The following ZNF676 variants were observed in gnomAD, a reference collection of about 807,000 sequenced individuals.
The protein encoded by ZNF676 is zinc finger protein 676.
Under a neutral mutation model 6.0 loss-of-function variants are expected in ZNF676, and 4 were observed. The ratio of observed to expected loss-of-function variants is 0.67; its 90% CI spans 0.33 to 1.53. The LOEUF (loss-of-function observed/expected upper bound fraction) is 1.53. ZNF676 is among the 40% of genes most tolerant of loss of function. The pLI, the probability that ZNF676 is intolerant of heterozygous loss-of-function variation, is 0.06. For synonymous variants in ZNF676, 198 were observed against 223.1 expected, an observed-to-expected ratio of 0.89 and a Z score of 1.00; for missense variants, 644 against 679.7, an observed-to-expected ratio of 0.95 and a Z score of 0.58.
intron 1 of ZNF676, among the ~76,000 whole-genome samples, chr19:22,213,628 T>A (rs62118346): frequency 0.16 from 24,132 of 150,362 alleles, 2,597 homozygotes; most frequent in Middle Eastern, 0.25. Context: ...CCTCAGGTTG[T>A]CTTATGGGAG....
At chr19:22,218,518 G>C (rs887134836), upstream of ZNF676, among the ~76,000 whole-genome samples, 1 of 108,590 alleles carries the variant, frequency 9.2e-6, no homozygotes, top group Non-Finnish European at 2.0e-5. Context: ...TTTTTTTTTT[G>C]TATTTTTAGT....
At chr19:22,224,931 G>A in the ZNF676 span, among the ~76,000 whole-genome samples, 1 of 152,052 alleles carries the variant, frequency 6.6e-6, no homozygotes. Flanking sequence ...GGAGTTTGAG[G>A]CTGAAGTGAG....
the ZNF676 span, among the ~76,000 whole-genome samples, chr19:22,245,972 G>C: frequency 6.6e-6 from 1 of 152,062 alleles, no homozygotes; most frequent in African/African-American, 2.4e-5. Flanking sequence ...TTCCTTGTGG[G>C]CAGGACCCAG....
chr19:22,238,208 C>T, the ZNF676 span, among the ~76,000 whole-genome samples: 2 of 152,090 alleles, frequency 1.3e-5, no homozygotes, highest in Admixed American at 1.3e-4. Context: ...CTCATCGACA[C>T]ACCCGGCTAA....
intron 2 of ZNF676, among the ~76,000 whole-genome samples, chr19:22,187,610 GAT>G (rs1421095834): frequency 6.6e-6 from 1 of 150,734 alleles, no homozygotes; most frequent in African/African-American, 2.4e-5. Context: ...CAACAAAATA[GAT>G]AGACTGCTAG....
chr19:22,186,843 T>C (rs1439635435), intron 2 of ZNF676, among the ~76,000 whole-genome samples: 1 of 152,166 alleles, frequency 6.6e-6, no homozygotes, highest in Non-Finnish European at 1.5e-5. Flanking sequence ...CTATCGTAAA[T>C]ATATATGCGC....
At chr19:22,236,217 C>T in the ZNF676 span, among the ~76,000 whole-genome samples, 1 of 151,990 alleles carries the variant, frequency 6.6e-6, no homozygotes, top group Non-Finnish European at 1.5e-5. Flanking sequence ...ATAGCCCTCA[C>T]CCTACTACTC....
At chr19:22,184,196 G>C (rs915964166) in intron 2 of ZNF676, among the ~76,000 whole-genome samples, 3 of 152,164 alleles carry the variant, frequency 2.0e-5, no homozygotes, top group African/African-American at 7.2e-5. Flanking sequence ...AGTGGATGCA[G>C]CTCATGGAGG....
At chr19:22,182,210 G>C (rs1220894447) in intron 2 of ZNF676, among the ~76,000 whole-genome samples, 1 of 151,930 alleles carries the variant, frequency 6.6e-6, no homozygotes, top group Non-Finnish European at 1.5e-5. Context: ...CAAAATTTCA[G>C]ACAAGACAAA....
chr19:22,213,107 TGAGA>T (rs2024147075), intron 1 of ZNF676, among the ~76,000 whole-genome samples: 2 of 152,166 alleles, frequency 1.3e-5, no homozygotes, highest in African/African-American at 4.8e-5. Context: ...ATCCAATTAC[TGAGA>T]GATTCAGCCA....
chr19:22,216,546 T>C (rs913805413), upstream of ZNF676, among the ~76,000 whole-genome samples: 1 of 152,232 alleles, frequency 6.6e-6, no homozygotes, highest in Admixed American at 6.5e-5. Context: ...TTGTCATTTT[T>C]GAACACTCTA....
chr19:22,253,368 G>GTA, the ZNF676 span, among the ~76,000 whole-genome samples: 348 of 58,654 alleles, frequency 5.9e-3, 17 homozygotes, highest in East Asian at 0.067. Flanking sequence ...GTGTGTGTGT[G>GTA]TGTGTATATA....
At chr19:22,238,251 C>T in the ZNF676 span, among the ~76,000 whole-genome samples, 2 of 152,048 alleles carry the variant, frequency 1.3e-5, no homozygotes, top group African/African-American at 2.4e-5. Flanking sequence ...GGGGTTTCAC[C>T]ATCTTGACCA....
rs1459648363 is a variant in ZNF676 at position 22,196,768 on chromosome 19, T to C, written c.-135A>G. On this transcript the variant is annotated 5_prime_UTR_variant, in exon 1 of 3. The change abolishes an upstream ATG in the 5' untranslated region. Coordinates refer to ENST00000397121, the MANE Select transcript of ZNF676 (RefSeq NM_001001411.3). ...AACACATATATTTACCAATTGGTCA[T>C]GGGCAGAACTTTTAATGTGACTCAA... is the stretch of plus-strand genomic sequence containing the variant. 2.0e-5 allele frequency: 31 copies of C among 1,529,048 alleles called. 1 individual carries two copies. Among genetic ancestry groups the C allele is most frequent in the Non-Finnish European group, 2.4e-5 (27 of 1,111,048 alleles). The allele number at this position is 1,529,048 out of a possible 1,614,324, so 94.7% of individuals were successfully genotyped here. A position where few individuals can be genotyped will look rare whatever the true frequency, so the allele number is the denominator to read the frequency against.
the ZNF676 span, among the ~76,000 whole-genome samples, chr19:22,239,777 G>A: frequency 2.0e-5 from 3 of 152,174 alleles, no homozygotes; most frequent in Non-Finnish European, 2.9e-5. Context: ...TCCTGCAACA[G>A]AGAAGAGGCA....
At chr19:22,208,610 T>C (rs769972652) in intron 1 of ZNF676, among the ~76,000 whole-genome samples, 1 of 152,132 alleles carries the variant, frequency 6.6e-6, no homozygotes, top group Non-Finnish European at 1.5e-5. Context: ...AGCAAAGACA[T>C]GGAATCAACC....
At chr19:22,193,176 T>G in intron 1 of ZNF676, 65 bp from the exon 2 acceptor site, 4 of 1,462,836 alleles carry the variant, frequency 2.7e-6, no homozygotes, top group Non-Finnish European at 3.7e-6. Context: ...CTTAGTAATG[T>G]GCTCAGTAAA....
intron 2 of ZNF676, among the ~76,000 whole-genome samples, chr19:22,187,599 T>C (rs1599711733): frequency 7.2e-6 from 1 of 139,172 alleles, no homozygotes; most frequent in Non-Finnish European, 1.6e-5. Flanking sequence ...TTCAAAAAGA[T>C]CAACAAAATA....
the ZNF676 span, chr19:22,243,794 C>G: frequency 1.3e-5 from 2 of 152,226 alleles, no homozygotes; most frequent in African/African-American, 4.8e-5. Flanking sequence ...GAGTCACCAC[C>G]TTAATTGTGG....
Sources: allele counts gnomAD v4.1 joint callset (sites outside exome capture counted in the v4.1 genomes callset), GRCh38; gene constraint gnomAD v4.1.1; transcripts MANE v1.5; gene names NCBI Gene and HGNC (gene_info 2026-07-23, HGNC 2026-07-21).